Variants in TADA2A observed in about 807,000 individuals in gnomAD.
The protein encoded by TADA2A is transcriptional adaptor 2A, also known as transcriptional adapter 2-alpha.
A neutral mutation model predicts 67.4 loss-of-function variants in TADA2A; 38 were observed. That is an observed-to-expected ratio of 0.56 (90% CI 0.44 to 0.74). The LOEUF (loss-of-function observed/expected upper bound fraction) is 0.74, where lower values mean the gene tolerates loss of function less well. Ranked by LOEUF, TADA2A falls within the 30% of genes least tolerant of loss-of-function variation. TADA2A has a pLI of 0.00. For synonymous variants in TADA2A, 192 were observed against 181.6 expected (o/e 1.06, Z -0.46); for missense variants, 454 against 547.0 (o/e 0.83, Z 1.70).
chr17:37,459,271 A>C (rs1331011902), intron 9 of TADA2A, among the ~76,000 whole-genome samples: 2 of 151,440 alleles, frequency 1.3e-5, no homozygotes, highest in Non-Finnish European at 2.9e-5. Context: ...ATATTTGTGA[A>C]TCATTCTTTG....
At chr17:37,418,895 TCTTTTTA>T (rs1291499257) in intron 2 of TADA2A, among the ~76,000 whole-genome samples, 4,288 of 141,940 alleles carry the variant, frequency 0.03, 306 homozygotes, top group East Asian at 0.059. Context: ...GGCTATTTTT[TCTTTTTA>T]TTATTTTTGG....
intron 7 of TADA2A, among the ~76,000 whole-genome samples, chr17:37,443,609 G>T (rs935583128): frequency 7.9e-5 from 12 of 152,118 alleles, no homozygotes; most frequent in African/African-American, 2.9e-4. Flanking sequence ...CTGTATCAGG[G>T]GTTGACAAAC....
chr17:37,463,015 C>G (rs751166386), intron 10 of TADA2A, among the ~76,000 whole-genome samples: 5 of 151,966 alleles, frequency 3.3e-5, no homozygotes, highest in Non-Finnish European at 7.4e-5. Flanking sequence ...CACTGTTGCC[C>G]AGGATGGAGT....
chr17:37,427,937 G>A (rs1212239810), intron 4 of TADA2A, among the ~76,000 whole-genome samples: 1 of 151,610 alleles, frequency 6.6e-6, no homozygotes, highest in Non-Finnish European at 1.5e-5. Flanking sequence ...AGCCAAGATC[G>A]CACCACTGCA....
intron 8 of TADA2A, among the ~76,000 whole-genome samples, chr17:37,445,658 T>A (rs1004528720): frequency 1.3e-5 from 2 of 152,182 alleles, no homozygotes; most frequent in Non-Finnish European, 2.9e-5. Context: ...AAAGAGCTGT[T>A]AAGAGTAGAT....
intron 4 of TADA2A, among the ~76,000 whole-genome samples, chr17:37,435,586 C>T (rs1056235344): frequency 6.6e-6 from 1 of 151,952 alleles, no homozygotes; most frequent in Non-Finnish European, 1.5e-5. Context: ...CTGTGCCCGG[C>T]CTGTTTTTGG....
intron 12 of TADA2A, among the ~76,000 whole-genome samples, chr17:37,468,883 T>C (rs1416142063): frequency 6.6e-6 from 1 of 152,032 alleles, no homozygotes; most frequent in Non-Finnish European, 1.5e-5. Context: ...ACCTACTATC[T>C]ATAAGAAATA....
rs1470988776 is a variant in TADA2A at position 37,426,961 on chromosome 17, A to C, written c.144A>C (p.Arg48=). 1 of 1,599,828 alleles carries C rather than the reference A, an allele frequency of 6.3e-7. No individual in the cohort carries two copies. The highest frequency in any genetic ancestry group is 8.5e-7 in the Non-Finnish European group (1 of 1,176,146). The change falls in exon 4 of 16, where the codon CGA becomes CGC. Residue 48 remains arginine, a synonymous_variant. Coordinates refer to ENST00000615182, the MANE Select transcript of TADA2A (RefSeq NM_001166105.3). ...PFFLCLQCFT[R]GFEYKKHQSD... Reference sequence around the variant, plus strand: ...TTCTTTCTTTGCAGTGTTTCACTCGAGGCTTTGAGTACAAGAAACATCAAA... The same window carrying C: ...TTCTTTCTTTGCAGTGTTTCACTCGCGGCTTTGAGTACAAGAAACATCAAA...
intron 6 of TADA2A, among the ~76,000 whole-genome samples, chr17:37,440,957 TG>T: frequency 6.6e-6 from 1 of 152,286 alleles, no homozygotes; most frequent in Admixed American, 6.5e-5. Flanking sequence ...TAGCTGGACG[TG>T]GTGGCAGACA....
intron 8 of TADA2A, among the ~76,000 whole-genome samples, chr17:37,453,680 A>T (rs1365545225): frequency 6.7e-6 from 1 of 148,760 alleles, no homozygotes; most frequent in East Asian, 2.0e-4. Flanking sequence ...ATGAGATTGT[A>T]TTACTCTTCA....
Position 37,476,866 on chromosome 17 carries a change from A to T in TADA2A, c.1216A>T (p.Asn406Tyr), listed in dbSNP as rs2053902116. Residue 406 changes from asparagine to tyrosine, a missense_variant, in exon 16 of 16, where the codon AAC becomes TAC. Physicochemically the swap from Asn to Tyr is moderately radical, Grantham distance 143 (BLOSUM62 -2). Transcript: ENST00000615182. The stretch of plus-strand genomic sequence containing the variant: ...CAAATCTGCTCTATTGAACGAATGT[A>T]ACAAGCAAGGAGGCTTAAGACTGGC... ...EYKSALLNECNKQGGLRLAQA... is the reference protein window; with the variant it reads ...EYKSALLNECYKQGGLRLAQA... 6.2e-7 allele frequency: 1 copy of T among 1,614,096 alleles called. No individual in the cohort carries two copies. Among genetic ancestry groups the T allele is most frequent in the African/African-American group, 1.3e-5 (1 of 74,934 alleles).
In TADA2A at chr17:37,474,551, T is replaced by C; in HGVS notation, c.1073-5T>C. 6.2e-7 allele frequency: 1 copy of C among 1,613,304 alleles called. No individual in the cohort carries two copies. The highest frequency in any genetic ancestry group is 8.5e-7 in the Non-Finnish European group (1 of 1,179,696). On this transcript the variant is annotated splice_region_variant and splice_polypyrimidine_tract_variant and intron_variant, in intron 14 of 15. Coordinates refer to ENST00000615182, the MANE Select transcript of TADA2A (RefSeq NM_001166105.3). ...ATCTATGCTGTTTCCTTTCTCTGTC[T>C]ATAGGTAGACGGAGTGCACCACCCT...
At position 37,412,046 on chromosome 17, in the gene TADA2A, T is replaced by TA. The variant is rs1037684614; in HGVS notation, c.25+662dup. ...TAACACAGTGAAATCCCGTCTCCAG[T>TA]AAAAAATAAAAAAAATTAGCCAGGC... On this transcript the variant is annotated intron_variant, in intron 2 of 15. Coordinates refer to ENST00000615182, the MANE Select transcript of TADA2A (RefSeq NM_001166105.3). Among the ~76,000 whole-genome samples the TA allele has an allele frequency of 1.5e-3, 223 of 149,804 alleles. 1 individual carries two copies. The highest frequency in any genetic ancestry group is 5.2e-3 in the African/African-American group (212 of 40,898).
intron 8 of TADA2A, among the ~76,000 whole-genome samples, chr17:37,457,011 T>G (rs1244946505): frequency 6.6e-6 from 1 of 152,100 alleles, no homozygotes; most frequent in Non-Finnish European, 1.5e-5. Flanking sequence ...GGATACTTGA[T>G]GGAACTTTTC....
intron 11 of TADA2A, 191 bp downstream of exon 11, chr17:37,465,732 C>T: frequency 2.3e-6 from 2 of 882,530 alleles, no homozygotes; most frequent in Non-Finnish European, 3.3e-6. Flanking sequence ...GCCCTAATGA[C>T]TTCCCCCATT....
At chr17:37,412,232 AAAG>A (rs2051900905) in intron 2 of TADA2A, among the ~76,000 whole-genome samples, 4 of 151,676 alleles carry the variant, frequency 2.6e-5, no homozygotes, top group East Asian at 1.9e-4. Context: ...AAAAAAAAAA[AAAG>A]AAAATGAGGC....
intron 8 of TADA2A, among the ~76,000 whole-genome samples, chr17:37,450,114 G>A (rs922156664): frequency 1.3e-5 from 2 of 152,128 alleles, no homozygotes; most frequent in Non-Finnish European, 2.9e-5. Flanking sequence ...TCTTAAAAAA[G>A]TTTACGAATT....
chr17:37,470,411 T>A lies in TADA2A; in HGVS notation c.907T>A (p.Tyr303Asn), dbSNP rs2053760750. The A allele has an allele frequency of 6.2e-7, 1 of 1,613,688 alleles. No individual in the cohort carries two copies. Residue 303 changes from tyrosine (Y) to asparagine (N), a missense_variant, in exon 13 of 16, where the codon TAC (tyrosine) becomes AAC (asparagine). Tyr to Asn is a moderately radical substitution (Grantham distance 143). Transcript: ENST00000615182. The part of the protein sequence containing the change: ...GITNFCSART[Y>N]DHLKKTREEE... Reference sequence around the variant, plus strand: ...TTCTATACCCCCAGGTGCCAGAACCTACGATCACCTCAAGAAGACACGGGA... The same window carrying A: ...TTCTATACCCCCAGGTGCCAGAACCAACGATCACCTCAAGAAGACACGGGA...
At chr17:37,460,795 T>A (rs571097229) in intron 9 of TADA2A, among the ~76,000 whole-genome samples, 1 of 152,138 alleles carries the variant, frequency 6.6e-6, no homozygotes, top group Non-Finnish European at 1.5e-5. Flanking sequence ...ATGTATTTAC[T>A]GTGATGTTAC....
Sources: allele counts gnomAD v4.1 joint callset (sites outside exome capture counted in the v4.1 genomes callset), GRCh38; gene constraint gnomAD v4.1.1; transcripts MANE v1.5; gene names NCBI Gene and HGNC (gene_info 2026-07-23, HGNC 2026-07-21).